The following CTDP1 variants were observed in gnomAD, a reference collection of about 807,000 sequenced individuals.
CTDP1 encodes CTD phosphatase 1.
CTDP1 carries 47 observed loss-of-function variants against 91.8 expected under a neutral mutation model. The observed-to-expected ratio is 0.51, with a 90% CI of 0.41 to 0.65. CTDP1 has a LOEUF of 0.65. Ranked by LOEUF, CTDP1 falls within the 30% of genes least tolerant of loss-of-function variation. CTDP1 has a pLI of 0.00. For synonymous variants in CTDP1, 656 were observed against 598.5 expected (o/e 1.10, Z -1.40); for missense variants, 1,272 against 1,373.7 (o/e 0.93, Z 1.17).
chr18:79,712,788 A>G (rs1201720648), intron 6 of CTDP1, among the ~76,000 whole-genome samples, 184 bp from the exon 7 acceptor site: 1 of 152,184 alleles, frequency 6.6e-6, no homozygotes, highest in African/African-American at 2.4e-5. Context: ...ACAGCACTGA[A>G]GATGTTACTG....
chr18:79,704,573 CAT>C (rs1270119348), intron 4 of CTDP1, among the ~76,000 whole-genome samples, 192 bp from the exon 5 acceptor site: 4 of 152,206 alleles, frequency 2.6e-5, no homozygotes, highest in Admixed American at 6.5e-5. Context: ...GGGATGGGCA[CAT>C]GTGTGTCTTC....
rs1160623140 is a variant in CTDP1, at chr18:79,717,655, A to G, written c.2189A>G (p.Asp730Gly). Reference protein sequence around the residue: ...KVEEQLFPLRDDHTKAQRENS... With the variant: ...KVEEQLFPLRGDHTKAQRENS... Reference sequence around the variant, plus strand: ...GAGGAGCAGCTCTTCCCGCTCAGGGACGATCACACCAAGGCACAGAGGTGG... The same window carrying G: ...GAGGAGCAGCTCTTCCCGCTCAGGGGCGATCACACCAAGGCACAGAGGTGG... Residue 730 changes from aspartate to glycine, a missense_variant, in exon 9 of 13, where the codon GAC becomes GGC. Physicochemically the swap from Asp to Gly is moderately conservative, Grantham distance 94. Around this residue, in one of 3 missense-constraint regions of CTDP1, gnomAD observed 881 missense variants for 911.6 expected, o/e 0.97. Transcript: ENST00000613122. 1.1e-5 allele frequency: 17 copies of G among 1,613,898 alleles called. No individual in the cohort carries two copies. The highest frequency in any genetic ancestry group is 1.3e-5 in the African/African-American group (1 of 74,910).
chr18:79,693,457 T>TA (rs2085665006), intron 1 of CTDP1, among the ~76,000 whole-genome samples: 1 of 152,196 alleles, frequency 6.6e-6, no homozygotes, highest in African/African-American at 2.4e-5. Context: ...AAAAACCTGA[T>TA]ACAGGTTGAG....
At chr18:79,736,209 GC>G (rs1291514534) in intron 11 of CTDP1, 145 bp from the exon 12 acceptor site, 2 of 1,040,924 alleles carry the variant, frequency 1.9e-6, no homozygotes, top group South Asian at 1.4e-5. Context: ...TGAGTTTCAA[GC>G]CCCAGGGCTC....
intron 12 of CTDP1, among the ~76,000 whole-genome samples, chr18:79,748,385 G>A (rs2086922467): frequency 6.6e-6 from 1 of 152,216 alleles, no homozygotes; most frequent in African/African-American, 2.4e-5. Context: ...AGGGCCTGGG[G>A]GGACCCATGG....
chr18:79,679,246 G>A (rs900725280), upstream of CTDP1: 136 of 369,892 alleles, frequency 3.7e-4, 2 homozygotes, highest in South Asian at 2.5e-3. Flanking sequence ...GTCGGAGGAA[G>A]AGAAGACCGC....
intron 10 of CTDP1, among the ~76,000 whole-genome samples, chr18:79,725,396 T>C (rs2086426084): frequency 6.6e-6 from 1 of 152,218 alleles, no homozygotes; most frequent in Non-Finnish European, 1.5e-5. Context: ...CCTGGAGATT[T>C]TATTTTTGCA....
intron 10 of CTDP1, among the ~76,000 whole-genome samples, chr18:79,718,623 G>T (rs1033294709): frequency 6.6e-6 from 1 of 152,160 alleles, no homozygotes; most frequent in Non-Finnish European, 1.5e-5. Context: ...GTTTGCCCGC[G>T]TGGACCCGAG....
Position 79,708,083 on chromosome 18 carries a change from T to C in CTDP1, c.773-2263T>C, listed in dbSNP as rs537134290. Among the ~76,000 whole-genome samples, 7 of 152,318 alleles carry C rather than the reference T, an allele frequency of 4.6e-5. No homozygotes were observed. In the South Asian group the frequency reaches 1.4e-3, roughly 32 times the overall value. ...TTAAGCCCAAGTATCTTTTGGTTAATGAAATACTAACAAACCAGTGGTATC... is the reference window on the plus strand; with the variant it reads ...TTAAGCCCAAGTATCTTTTGGTTAACGAAATACTAACAAACCAGTGGTATC... On this transcript the variant is annotated intron_variant, in intron 5 of 12. Transcript: ENST00000613122.
Position 79,684,789 on chromosome 18 carries a change from A to G in CTDP1, c.314+4528A>G, listed in dbSNP as rs377637162. On this transcript the variant is annotated intron_variant, in intron 1 of 12. Transcript: ENST00000613122. The stretch of plus-strand genomic sequence containing the variant: ...CACTAGATTGTCGTTTTGATCTTTA[A>G]TAAGATTGTATGTTTTTGTCGGGCT... Among the ~76,000 whole-genome samples, 355 of 152,376 alleles carry G rather than the reference A, an allele frequency of 2.3e-3. 1 individual carries two copies. Among genetic ancestry groups the G allele is most frequent in the African/African-American group, 7.8e-3 (324 of 41,592 alleles).
At chr18:79,698,722 C>T (rs557028263) in intron 4 of CTDP1, among the ~76,000 whole-genome samples, 1 of 152,114 alleles carries the variant, frequency 6.6e-6, no homozygotes, top group Non-Finnish European at 1.5e-5. Flanking sequence ...TGGACTCTGG[C>T]GTTAGATTTG....
At chr18:79,710,686 ATTTTTTTTTTTTTTTTTTT>A (rs11306504) in intron 6 of CTDP1, among the ~76,000 whole-genome samples, 3 of 88,504 alleles carry the variant, frequency 3.4e-5, no homozygotes, top group South Asian at 4.5e-4. Flanking sequence ...TCGCCCGGCA[ATTTTTTTTTTTTTTTTTTT>A]TTTTTTTTTT....
rs1352965434 is a variant in CTDP1, at chr18:79,717,927, C to T, written c.2328C>T (p.Ser776=). ...QPGPEVRIYD[S]NTGKLIRTGA... ...GCCCCGAGGTTCGGATCTACGACTC[C>T]AACACGGGGAAGCTCATCAGGACGG... The change falls in exon 10 of 13, where the codon TCC becomes TCT. Residue 776 remains serine, a synonymous_variant. Transcript: ENST00000613122. 4 of 1,613,570 alleles carry T rather than the reference C, an allele frequency of 2.5e-6. No homozygotes were observed. Among genetic ancestry groups the T allele is most frequent in the Non-Finnish European group, 3.4e-6 (4 of 1,180,004 alleles).
rs927034523 is a variant in CTDP1 at position 79,743,129 on chromosome 18, G to C, written c.2747+6608G>C. On this transcript the variant is annotated intron_variant, in intron 12 of 12. Transcript: ENST00000613122. ...AGACCCAGGAGTGCTGAACAAGAAG[G>C]TTGGTCTCACCGTGCTCCGAGTGTG... Among the ~76,000 whole-genome samples, 4 of 152,218 alleles carry C rather than the reference G, an allele frequency of 2.6e-5. No individual in the cohort carries two copies. In the South Asian group the frequency reaches 8.3e-4, roughly 32 times the overall value.
intron 4 of CTDP1, among the ~76,000 whole-genome samples, chr18:79,698,707 G>T (rs1316293957): frequency 1.3e-5 from 2 of 152,174 alleles, no homozygotes; most frequent in African/African-American, 4.8e-5. Context: ...CTATTGAACA[G>T]TATGTGGACT....
intron 1 of CTDP1, among the ~76,000 whole-genome samples, chr18:79,694,146 G>A (rs1273514039): frequency 1.3e-5 from 2 of 151,788 alleles, no homozygotes; most frequent in Non-Finnish European, 2.9e-5. Flanking sequence ...AGCCCGGCTG[G>A]GACGGGAGTG....
At position 79,692,472 on chromosome 18, in the gene CTDP1, G is replaced by A. The variant is rs914742589; in HGVS notation, c.315-2753G>A. Among the ~76,000 whole-genome samples the A allele has an allele frequency of 4.5e-4, 68 of 152,192 alleles. 5 individuals carry two copies. ...CTGAACTTCCATATAAATTTCAGAAGCAACTTGTCAATTTCTACAAAAAAA... is the reference window on the plus strand; with the variant it reads ...CTGAACTTCCATATAAATTTCAGAAACAACTTGTCAATTTCTACAAAAAAA... On this transcript the variant is annotated intron_variant, in intron 1 of 12. Coordinates refer to ENST00000613122, the MANE Select transcript of CTDP1 (RefSeq NM_004715.5).
intron 1 of CTDP1, among the ~76,000 whole-genome samples, chr18:79,690,809 T>TG (rs1163809231): frequency 2.0e-5 from 3 of 151,792 alleles, no homozygotes; most frequent in African/African-American, 4.8e-5. Flanking sequence ...AGTCCTGGGG[T>TG]GGGGGGTGGA....
intron 12 of CTDP1, among the ~76,000 whole-genome samples, chr18:79,749,031 C>T (rs2086940152): frequency 6.6e-6 from 1 of 152,210 alleles, no homozygotes; most frequent in Admixed American, 6.5e-5. Flanking sequence ...GTTATGCTGG[C>T]GTTTCTGAAG....
Sources: allele counts gnomAD v4.1 joint callset (sites outside exome capture counted in the v4.1 genomes callset), GRCh38; gene constraint gnomAD v4.1.1; regional missense constraint gnomAD v4.1.1; transcripts MANE v1.5; gene names NCBI Gene and HGNC (gene_info 2026-07-23, HGNC 2026-07-21).